The following NDUFAF6 variants were observed in gnomAD, a reference collection of about 807,000 sequenced individuals.
NDUFAF6 encodes NADH dehydrogenase (ubiquinone) complex I, assembly factor 6.
A neutral mutation model predicts 40.8 loss-of-function variants in NDUFAF6; 45 were observed. That is an observed-to-expected ratio of 1.10 (90% CI 0.87 to 1.42). The LOEUF is 1.42. Ranked by LOEUF, NDUFAF6 falls within the 40% of genes most tolerant of loss-of-function variation. NDUFAF6 has a pLI of 0.00. For missense variants in NDUFAF6, 435 were observed against 418.5 expected, an observed-to-expected ratio of 1.04 and a Z score of -0.34; for synonymous variants, 185 against 155.9, an observed-to-expected ratio of 1.19 and a Z score of -1.39.
intron 1 of NDUFAF6, among the ~76,000 whole-genome samples, chr8:94,911,965 C>T (rs1294095486): frequency 6.6e-6 from 1 of 152,148 alleles, no homozygotes; most frequent in Non-Finnish European, 1.5e-5. Context: ...AACTGCTGTT[C>T]GTAATGACAG....
chr8:94,994,203 G>T (rs187886362), intron 2 of NDUFAF6, among the ~76,000 whole-genome samples: 1 of 152,292 alleles, frequency 6.6e-6, no homozygotes, highest in Non-Finnish European at 1.5e-5. Context: ...TGACCAATGT[G>T]TGGTTCTACT....
At chr8:95,009,943 G>GCAAA (rs1349149089) in intron 2 of NDUFAF6, among the ~76,000 whole-genome samples, 1 of 151,880 alleles carries the variant, frequency 6.6e-6, no homozygotes, top group Non-Finnish European at 1.5e-5. Context: ...TTTCTTCTTA[G>GCAAA]CAAAATACAG....
At chr8:94,972,988 G>A (rs557512424) in intron 1 of NDUFAF6, among the ~76,000 whole-genome samples, 2 of 152,150 alleles carry the variant, frequency 1.3e-5, no homozygotes, top group Non-Finnish European at 2.9e-5. Flanking sequence ...AAGCTGGGAG[G>A]ATTGCTTGAG....
exon 1 of NDUFAF6, chr8:94,895,820 C>G (rs541040353): frequency 1.3e-5 from 2 of 152,566 alleles, no homozygotes; most frequent in South Asian, 2.1e-4. Context: ...ACGCGCCTGG[C>G]CAAGTGCGGC....
At position 95,016,452 on chromosome 8, in the gene NDUFAF6, C is replaced by T. The variant is rs537532740; in HGVS notation, c.-83-15543C>T. Among the ~76,000 whole-genome samples the T allele has an allele frequency of 2.0e-4, 31 of 152,312 alleles. No homozygotes were observed. The South Asian group carries it at 5.2e-3, about 25-fold the overall frequency. The stretch of plus-strand genomic sequence containing the variant: ...TCTAACTACTGGTGAGCAGTTAAAA[C>T]GTGAACATCTGGCCGAGCGTGGTGG... On this transcript the variant is annotated intron_variant, in intron 2 of 9. Coordinates refer to the NDUFAF6 transcript ENST00000396111.
downstream of NDUFAF6, chr8:95,058,748 G>C (rs890568755): frequency 3.0e-6 from 3 of 989,598 alleles, no homozygotes; most frequent in African/African-American, 5.2e-5. Context: ...GCTTCCCAGT[G>C]ATGAGCACTG....
intron 2 of NDUFAF6, among the ~76,000 whole-genome samples, chr8:95,010,252 C>A (rs1827172427): frequency 6.6e-6 from 1 of 152,106 alleles, no homozygotes; most frequent in African/African-American, 2.4e-5. Flanking sequence ...CCATGCCCAG[C>A]TAATTTTTGT....
downstream of NDUFAF6, among the ~76,000 whole-genome samples, chr8:95,061,399 T>A (rs1832568272): frequency 3.9e-5 from 6 of 152,196 alleles, no homozygotes; most frequent in South Asian, 1.2e-3. Context: ...TTGTAAACAT[T>A]ATGTGGTTCT....
At chr8:94,918,130 T>G (rs1251510332) in intron 1 of NDUFAF6, among the ~76,000 whole-genome samples, 2 of 152,188 alleles carry the variant, frequency 1.3e-5, no homozygotes, top group African/African-American at 4.8e-5. Flanking sequence ...CTTTTAAAAC[T>G]CAAACTTCTA....
At chr8:95,096,308 T>A (rs1338876794), upstream of NDUFAF6, among the ~76,000 whole-genome samples, 3 of 152,186 alleles carry the variant, frequency 2.0e-5, no homozygotes, top group African/African-American at 7.2e-5. Context: ...AACAAAAGTA[T>A]TGGCCTTTTG....
At chr8:94,995,780 C>T (rs1256507743) in intron 2 of NDUFAF6, among the ~76,000 whole-genome samples, 1 of 152,122 alleles carries the variant, frequency 6.6e-6, no homozygotes, top group Non-Finnish European at 1.5e-5. Flanking sequence ...GGCTACATTG[C>T]TTACTCCCTT....
At position 95,067,784 on chromosome 8, in the gene NDUFAF6, T is replaced by C. The variant is rs1023069412; in HGVS notation, c.*512-7849T>C. The C allele has an allele frequency of 2.0e-5, 3 of 152,006 alleles. No individual in the cohort carries two copies. The South Asian group carries it at 6.2e-4, about 31-fold the overall frequency. The allele number at this position is 152,006 out of a possible 1,614,324, so 9.4% of individuals were successfully genotyped here. On this transcript the variant is annotated intron_variant and NMD_transcript_variant, in intron 9 of 9. Transcript: ENST00000520757. ...CAGCAGGGAGGTGGAGGGACTGCCT[T>C]GTTACAGCTGTGAGTGGGTGGAAGT...
At chr8:95,114,320 G>T (rs898065210) in intron 4 of NDUFAF6, among the ~76,000 whole-genome samples, 3 of 152,190 alleles carry the variant, frequency 2.0e-5, no homozygotes, top group Non-Finnish European at 4.4e-5. Flanking sequence ...CTGAACCCCA[G>T]TGGTTCCCTG....
intron 1 of NDUFAF6, among the ~76,000 whole-genome samples, chr8:94,974,108 G>T (rs1436238198): frequency 6.6e-6 from 1 of 152,080 alleles, no homozygotes; most frequent in Non-Finnish European, 1.5e-5. Flanking sequence ...ATACCACCCT[G>T]CACTGTGGCC....
chr8:95,029,681 AT>A (rs1290828371), intron 1 of NDUFAF6, among the ~76,000 whole-genome samples: 2 of 152,186 alleles, frequency 1.3e-5, no homozygotes, highest in Non-Finnish European at 2.9e-5. Context: ...TGAGCTTGAT[AT>A]TTTTTGAAGA....
chr8:94,939,948 T>A, intron 1 of NDUFAF6: 1 of 1,614,126 alleles, frequency 6.2e-7, no homozygotes. Flanking sequence ...TAGACAGACA[T>A]GCTGGGATGT....
At chr8:95,075,562 G>A (rs751064263) in intron 9 of NDUFAF6, 20 of 1,228,454 alleles carry the variant, frequency 1.6e-5, no homozygotes, top group Admixed American at 1.4e-4. Flanking sequence ...AGCATCTCTC[G>A]GGGCATGGGA....
intron 2 of NDUFAF6, among the ~76,000 whole-genome samples, chr8:95,086,101 C>T (rs1436379334): frequency 1.3e-5 from 2 of 152,110 alleles, no homozygotes; most frequent in Admixed American, 1.3e-4. Flanking sequence ...TGCCTCTAGA[C>T]CAGCCTGGGT....
Position 94,913,043 on chromosome 8 carries a change from G to T in NDUFAF6, c.-936+17116G>T, listed in dbSNP as rs1031695973. Reference sequence around the variant, plus strand: ...AACAAATATAGATTGTAAGTACTCTGGTAGTCATTTTTCTAAGGAAAACAT... The same window carrying T: ...AACAAATATAGATTGTAAGTACTCTTGTAGTCATTTTTCTAAGGAAAACAT... On this transcript the variant is annotated intron_variant, in intron 1 of 14. Transcript: ENST00000396113. Among the ~76,000 whole-genome samples, 21 of 152,260 alleles carry T rather than the reference G, an allele frequency of 1.4e-4. No individual in the cohort carries two copies. In the East Asian group the frequency reaches 3.7e-3, roughly 27 times the overall value.
Sources: allele counts gnomAD v4.1 joint callset (sites outside exome capture counted in the v4.1 genomes callset), GRCh38; gene constraint gnomAD v4.1.1; transcripts MANE v1.5; gene names NCBI Gene and HGNC (gene_info 2026-07-23, HGNC 2026-07-21).